The following TTR variants were observed in gnomAD, a reference collection of about 807,000 sequenced individuals.
TTR encodes the protein transthyretin.
TTR carries 8 observed loss-of-function variants against 13.7 expected under a neutral mutation model. The observed-to-expected ratio is 0.58, with a 90% CI of 0.34 to 1.05. The LOEUF (loss-of-function observed/expected upper bound fraction) is 1.05, where lower values mean the gene tolerates loss of function less well. Among genes scored for constraint, TTR ranks in the 50% least tolerant of loss-of-function variants. The probability of loss-of-function intolerance (pLI) is 0.02; values close to 1 mark genes in which losing one functional copy is unlikely to be tolerated. For synonymous variants in TTR, 75 were observed against 71.7 expected (o/e 1.05, Z -0.23); for missense variants, 135 against 185.5 (o/e 0.73, Z 1.58).
chr18:31,594,143 CAA>C (rs58272364), intron 2 of TTR, among the ~76,000 whole-genome samples: 1 of 119,066 alleles, frequency 8.4e-6, no homozygotes, highest in African/African-American at 3.1e-5. Flanking sequence ...TGCACCAGGA[CAA>C]AAAAAAAAAG....
Position 31,598,793 on chromosome 18 carries a change from G to A in TTR, c.*118G>A, listed in dbSNP as rs945422485. ...ATATGCTATGTTAGAAGTCCAGGCAGAGACAATAAAACATTCCTGTGAAAG... is the reference window on the plus strand; with the variant it reads ...ATATGCTATGTTAGAAGTCCAGGCAAAGACAATAAAACATTCCTGTGAAAG... On this transcript the variant is annotated 3_prime_UTR_variant, in exon 4 of 4. Transcript: ENST00000237014. 6.5e-6 allele frequency: 7 copies of A among 1,081,032 alleles called. No homozygotes were observed. The highest frequency in any genetic ancestry group is 2.7e-4 in the Middle Eastern group (1 of 3,650). The allele number at this position is 1,081,032 out of a possible 1,614,324, so 67.0% of individuals were successfully genotyped here. A position where few individuals can be genotyped will look rare whatever the true frequency, so the allele number is the denominator to read the frequency against.
intron 3 of TTR, chr18:31,596,333 G>A (rs746111630): frequency 6.5e-6 from 1 of 152,848 alleles, no homozygotes; most frequent in African/African-American, 2.4e-5. Context: ...ACAGGGGTTT[G>A]TTTGACTTCT....
At chr18:31,592,684 T>G (rs2073491797) in intron 1 of TTR, among the ~76,000 whole-genome samples, 1 of 152,192 alleles carries the variant, frequency 6.6e-6, no homozygotes, top group South Asian at 2.1e-4. Context: ...TTGATAGCAG[T>G]GTGTCTGGAG....
chr18:31,592,095 T>C, intron 1 of TTR, 124 bp downstream of exon 1: 1 of 913,844 alleles, frequency 1.1e-6, no homozygotes, highest in Non-Finnish European at 1.7e-6. Context: ...GCATCTATTT[T>C]TAATATAATT....
chr18:31,592,406 C>G (rs1420887931), intron 1 of TTR, among the ~76,000 whole-genome samples: 1 of 152,202 alleles, frequency 6.6e-6, no homozygotes. Context: ...GAACAATATT[C>G]TAGTCAGATA....
chr18:31,596,699 G>A (rs897786811), intron 3 of TTR, among the ~76,000 whole-genome samples: 2 of 151,804 alleles, frequency 1.3e-5, no homozygotes, highest in East Asian at 1.9e-4. Context: ...CATTCTATGT[G>A]TGGAACACTC....
rs147958177 is a variant in TTR, at chr18:31,597,934, C to T, written c.337-634C>T. 115 of 178,560 alleles carry T rather than the reference C, an allele frequency of 6.4e-4. 2 individuals carry two copies. The East Asian group carries it at 0.011, about 17-fold the overall frequency. The allele number at this position is 178,560 out of a possible 1,614,324, so 11.1% of individuals were successfully genotyped here. A position where few individuals can be genotyped will look rare whatever the true frequency, so the allele number is the denominator to read the frequency against. ...TCCACACTCTGTATTGTAAATAGAG[C>T]CCTGTAATGCTTTTACTTCGTATTT... On this transcript the variant is annotated intron_variant, in intron 3 of 3. Coordinates refer to ENST00000237014, the MANE Select transcript of TTR (RefSeq NM_000371.4).
chr18:31,595,377 A>C (rs1170991505), intron 3 of TTR, 122 bp downstream of exon 3: 1 of 1,372,806 alleles, frequency 7.3e-7, no homozygotes, highest in South Asian at 1.2e-5. Context: ...GAATGACCAA[A>C]GGTTCCCTTT....
chr18:31,593,129 T>C (rs1253902316), intron 2 of TTR, 103 bp downstream of exon 2: 8 of 1,566,758 alleles, frequency 5.1e-6, no homozygotes, highest in Non-Finnish European at 7.0e-6. Flanking sequence ...AATTTACAAG[T>C]AGATTGAAAA....
chr18:31,596,361 A>G (rs1382144033), intron 3 of TTR, among the ~76,000 whole-genome samples: 1 of 152,180 alleles, frequency 6.6e-6, no homozygotes, highest in African/African-American at 2.4e-5. Flanking sequence ...ACAAGTCAAC[A>G]AGAGAGCCCC....
intron 2 of TTR, chr18:31,593,366 A>G (rs2073496716): frequency 3.2e-6 from 1 of 317,398 alleles, no homozygotes; most frequent in Non-Finnish European, 6.2e-6. Context: ...GCACAGATAC[A>G]CACACATACA....
intron 2 of TTR, among the ~76,000 whole-genome samples, chr18:31,593,727 C>G (rs112618844): frequency 1.3e-5 from 2 of 152,136 alleles, no homozygotes; most frequent in South Asian, 4.1e-4. Flanking sequence ...CCAAGAGTGG[C>G]TTCTCACCTT....
At chr18:31,594,818 C>T (rs560439590) in intron 2 of TTR, among the ~76,000 whole-genome samples, 1 of 151,782 alleles carries the variant, frequency 6.6e-6, no homozygotes, top group African/African-American at 2.4e-5. Context: ...GAGCTGAGAT[C>T]GTGCCATTGC....
At chr18:31,595,014 C>A in intron 2 of TTR, 106 bp from the exon 3 acceptor site, 1 of 1,257,622 alleles carries the variant, frequency 8.0e-7, no homozygotes, top group Non-Finnish European at 1.1e-6. Context: ...ATGTTCATAA[C>A]ATGTTTATAA....
intron 3 of TTR, 37 bp from the exon 4 acceptor site, chr18:31,598,531 C>T (rs2073527828): frequency 1.9e-6 from 3 of 1,609,574 alleles, no homozygotes; most frequent in African/African-American, 2.7e-5. Flanking sequence ...GTTTTTCGGG[C>T]TCTGGTGGAA....
chr18:31,593,203 A>G, intron 2 of TTR, 177 bp downstream of exon 2: 1 of 802,510 alleles, frequency 1.2e-6, no homozygotes, highest in East Asian at 3.2e-5. Context: ...TTAGCTAGGA[A>G]GTGACCAGGA....
At chr18:31,593,489 C>G (rs1314590581) in intron 2 of TTR, 1 of 179,534 alleles carries the variant, frequency 5.6e-6, no homozygotes, top group Non-Finnish European at 1.2e-5. Context: ...GTGTATTAAC[C>G]CATTAACAAA....
rs745834030 is a variant in TTR, at chr18:31,598,601, C to T, written c.370C>T (p.Arg124Cys). Residue 124 changes from arginine to cysteine, a missense_variant, in exon 4 of 4, where the codon CGC becomes TGC. Arg to Cys is a radical substitution (Grantham distance 180). Transcript: ENST00000237014. ...CACAGCCAACGACTCCGGCCCCCGCCGCTACACCATTGCCGCCCTGCTGAG... is the reference window on the plus strand; with the variant it reads ...CACAGCCAACGACTCCGGCCCCCGCTGCTACACCATTGCCGCCCTGCTGAG... ...VFTANDSGPR[R>C]YTIAALLSPY... 2.5e-5 allele frequency: 40 copies of T among 1,614,076 alleles called. No individual in the cohort carries two copies. Among genetic ancestry groups the T allele is most frequent in the East Asian group, 2.5e-4 (11 of 44,892 alleles).
intron 3 of TTR, chr18:31,597,991 C>T (rs1455566683): frequency 5.3e-6 from 1 of 188,598 alleles, no homozygotes; most frequent in African/African-American, 2.4e-5. Flanking sequence ...ATATACTTTT[C>T]TTCTTCATGT....
Sources: gnomAD v4.1 joint callset for allele counts (sites outside exome capture counted in the v4.1 genomes callset) on GRCh38, gnomAD v4.1.1 for gene constraint, MANE v1.5 for transcripts, NCBI Gene and HGNC (gene_info 2026-07-23, HGNC 2026-07-21) for gene names.